MAP2: variants seen among roughly 807,000 people sequenced by gnomAD.
MAP2 encodes microtubule-associated protein 2.
A neutral mutation model predicts 137.6 loss-of-function variants in MAP2; 14 were observed. That is an observed-to-expected ratio of 0.10 (90% CI 0.07 to 0.16). The LOEUF (loss-of-function observed/expected upper bound fraction) is 0.16, where lower values mean the gene tolerates loss of function less well. MAP2 is among the 10% of genes least tolerant of loss of function. The pLI is 1.00. For missense variants in MAP2, 2,088 were observed against 2,191.5 expected, an observed-to-expected ratio of 0.95 and a Z score of 0.94; for synonymous variants, 786 against 782.3, an observed-to-expected ratio of 1.00 and a Z score of -0.08.
intron 2 of MAP2, among the ~76,000 whole-genome samples, chr2:209,564,127 A>G (rs1309639483): frequency 6.6e-6 from 1 of 152,240 alleles, no homozygotes; most frequent in Non-Finnish European, 1.5e-5. Flanking sequence ...AGCTAATGAA[A>G]AAGGGATAAT....
intron 2 of MAP2, among the ~76,000 whole-genome samples, chr2:209,514,303 C>G (rs879734158): frequency 5.9e-5 from 9 of 151,956 alleles, no homozygotes; most frequent in Non-Finnish European, 1.2e-4. Context: ...ATTGCAGCTT[C>G]AAATGTCTTT....
intron 1 of MAP2, among the ~76,000 whole-genome samples, chr2:209,452,918 A>G (rs1473368196): frequency 6.6e-6 from 1 of 152,208 alleles, no homozygotes; most frequent in East Asian, 1.9e-4. Flanking sequence ...TTTTATATAT[A>G]TAAATAATTT....
intron 1 of MAP2, among the ~76,000 whole-genome samples, chr2:209,439,323 A>C (rs934043216): frequency 6.6e-6 from 1 of 151,606 alleles, no homozygotes; most frequent in Non-Finnish European, 1.5e-5. Context: ...ATTAATACCT[A>C]TACTTCTTTG....
intron 1 of MAP2, among the ~76,000 whole-genome samples, chr2:209,491,393 A>G (rs1205475276): frequency 6.6e-6 from 1 of 152,196 alleles, no homozygotes; most frequent in Non-Finnish European, 1.5e-5. Context: ...AGAACTAGAG[A>G]AGCAAGAGCA....
intron 2 of MAP2, among the ~76,000 whole-genome samples, chr2:209,558,791 A>T (rs1343140989): frequency 2.0e-5 from 3 of 151,686 alleles, no homozygotes; most frequent in African/African-American, 7.3e-5. Flanking sequence ...TGTGACGTTA[A>T]TGTTTCTGGA....
chr2:209,554,888 T>C lies in MAP2; in HGVS notation c.-171-25148T>C, dbSNP rs1323504107. On this transcript the variant is annotated intron_variant, in intron 2 of 15. Coordinates refer to ENST00000682079, the MANE Select transcript of MAP2 (RefSeq NM_001375505.1). ...CTGATAAATATTATATATATATAATTTATATATGCATTAAATATAATATAT... is the reference window on the plus strand; with the variant it reads ...CTGATAAATATTATATATATATAATCTATATATGCATTAAATATAATATAT... Among the ~76,000 whole-genome samples, 14 of 148,230 alleles carry C rather than the reference T, an allele frequency of 9.4e-5. No individual in the cohort carries two copies. In the South Asian group the frequency reaches 2.9e-3, roughly 31 times the overall value.
chr2:209,517,873 A>T (rs886101881), intron 2 of MAP2, among the ~76,000 whole-genome samples: 1 of 151,812 alleles, frequency 6.6e-6, no homozygotes, highest in Non-Finnish European at 1.5e-5. Context: ...TTTTTTTTTT[A>T]AATAAGAGAA....
chr2:209,601,729 G>A (rs1225907624), intron 3 of MAP2, among the ~76,000 whole-genome samples: 1 of 152,096 alleles, frequency 6.6e-6, no homozygotes, highest in East Asian at 1.9e-4. Context: ...TTGGGAGGTT[G>A]AATCACATGG....
At position 209,565,913 on chromosome 2, in the gene MAP2, T is replaced by A. The variant is rs1174690795; in HGVS notation, c.-171-14123T>A. On this transcript the variant is annotated intron_variant, in intron 2 of 15. Coordinates refer to ENST00000682079, the MANE Select transcript of MAP2 (RefSeq NM_001375505.1). Reference sequence around the variant, plus strand: ...TGGATTTCTTGTCCGACTGCACAGATGTTTAAGAAGGAAATTTTTCTAAGC... The same window carrying A: ...TGGATTTCTTGTCCGACTGCACAGAAGTTTAAGAAGGAAATTTTTCTAAGC... Among the ~76,000 whole-genome samples the A allele has an allele frequency of 5.9e-5, 9 of 152,242 alleles. No individual in the cohort carries two copies. In the South Asian group the frequency reaches 1.9e-3, roughly 32 times the overall value.
chr2:209,678,575 A>G lies in MAP2; in HGVS notation c.266A>G (p.Glu89Gly). 6.6e-7 allele frequency: 1 copy of G among 1,515,340 alleles called. No individual in the cohort carries two copies. Among genetic ancestry groups the G allele is most frequent in the Non-Finnish European group, 9.0e-7 (1 of 1,112,424 alleles). The allele number at this position is 1,515,340 out of a possible 1,614,324, so 93.9% of individuals were successfully genotyped here. Residue 89 changes from glutamate (E) to glycine (G), a missense_variant, in exon 6 of 16, where the codon GAG (glutamate) becomes GGG (glycine). Transcript: ENST00000682079. ...ATTTTGTTACTGTTTATTACAGAGG[A>G]GGTGTCTGCAAGGATAGTTCAAGTA... ...LTSADRETAEEVSARIVQVVT... is the reference protein window; with the variant it reads ...LTSADRETAEGVSARIVQVVT...
chr2:209,525,528 C>T (rs2063900387), intron 2 of MAP2, among the ~76,000 whole-genome samples: 1 of 152,122 alleles, frequency 6.6e-6, no homozygotes, highest in South Asian at 2.1e-4. Context: ...AGGGTTCTGA[C>T]AAAGCAAGCC....
intron 3 of MAP2, among the ~76,000 whole-genome samples, chr2:209,607,562 G>A (rs969737912): frequency 1.3e-5 from 2 of 152,170 alleles, no homozygotes; most frequent in Non-Finnish European, 2.9e-5. Context: ...AGACTCCCAG[G>A]TAGCTGGGAT....
chr2:209,709,450 T>C (rs931647895), intron 12 of MAP2, among the ~76,000 whole-genome samples: 1 of 152,142 alleles, frequency 6.6e-6, no homozygotes, highest in African/African-American at 2.4e-5. Context: ...CCTAAATACA[T>C]GGTTCTATAT....
At chr2:209,645,603 C>T (rs897884616) in intron 4 of MAP2, among the ~76,000 whole-genome samples, 2 of 152,028 alleles carry the variant, frequency 1.3e-5, no homozygotes, top group African/African-American at 2.4e-5. Context: ...GTACTTCATT[C>T]GCTTTACATG....
chr2:209,700,247 T>A (rs779022571), intron 10 of MAP2, 30 bp from the exon 11 acceptor site: 1 of 1,598,246 alleles, frequency 6.3e-7, no homozygotes, highest in African/African-American at 1.3e-5. Context: ...GCAACTAAGT[T>A]TGGGGTTGTT....
chr2:209,609,996 A>T (rs963877680), intron 3 of MAP2, among the ~76,000 whole-genome samples: 2 of 152,168 alleles, frequency 1.3e-5, no homozygotes, highest in Admixed American at 1.3e-4. Flanking sequence ...ATTATGGTTC[A>T]TGTCCTCATG....
At chr2:209,434,123 T>C (rs1046996959) in intron 1 of MAP2, among the ~76,000 whole-genome samples, 1 of 152,046 alleles carries the variant, frequency 6.6e-6, no homozygotes, top group Non-Finnish European at 1.5e-5. Context: ...TAATAAGCAG[T>C]GTACCTCTTT....
Position 209,732,975 on chromosome 2 carries a change from A to C in MAP2, c.*2578A>C, listed in dbSNP as rs920360966. 7 of 152,622 alleles carry C rather than the reference A, an allele frequency of 4.6e-5. No individual in the cohort carries two copies. Among genetic ancestry groups the C allele is most frequent in the Admixed American group, 1.3e-4 (2 of 15,260 alleles). The allele number at this position is 152,622 out of a possible 1,614,324, so 9.5% of individuals were successfully genotyped here. ...ATCTTCTTGTGGGGTTAAGGGGTAG[A>C]ACCTATCTTGCCTTCACTCTCAAGA... On this transcript the variant is annotated 3_prime_UTR_variant, in exon 16 of 16. Transcript: ENST00000682079.
intron 1 of MAP2, among the ~76,000 whole-genome samples, chr2:209,469,978 G>A (rs952287732): frequency 6.6e-6 from 1 of 152,084 alleles, no homozygotes; most frequent in Non-Finnish European, 1.5e-5. Flanking sequence ...GAGAGTGTGT[G>A]GCTCACAATA....
Sources: allele counts gnomAD v4.1 joint callset (sites outside exome capture counted in the v4.1 genomes callset), GRCh38; gene constraint gnomAD v4.1.1; transcripts MANE v1.5; gene names NCBI Gene and HGNC (gene_info 2026-07-23, HGNC 2026-07-21).